The following FRMD3 variants were observed in gnomAD, a reference collection of about 807,000 sequenced individuals.
FRMD3 encodes FERM domain containing 3.
FRMD3 carries 33 observed loss-of-function variants against 70.2 expected under a neutral mutation model. That is an observed-to-expected ratio of 0.47 (90% CI 0.36 to 0.63). FRMD3 has a LOEUF of 0.63. FRMD3 is among the 20% of genes least tolerant of loss of function. FRMD3 has a pLI of 0.00. For synonymous variants in FRMD3, 279 were observed against 255.9 expected (o/e 1.09, Z -0.86); for missense variants, 632 against 711.4 (o/e 0.89, Z 1.27).
chr9:83,364,330 G>A (rs1028559380), intron 3 of FRMD3, among the ~76,000 whole-genome samples: 5 of 152,146 alleles, frequency 3.3e-5, no homozygotes, highest in African/African-American at 9.7e-5. Flanking sequence ...AGACTGAGGC[G>A]GGGGCGTCAC....
intron 1 of FRMD3, among the ~76,000 whole-genome samples, chr9:83,419,146 A>C (rs935959131): frequency 6.6e-6 from 1 of 152,098 alleles, no homozygotes. Context: ...GGGGAAGGGT[A>C]GGAGGGGGGC....
At chr9:83,513,677 G>A (rs773428374) in intron 1 of FRMD3, among the ~76,000 whole-genome samples, 1 of 152,120 alleles carries the variant, frequency 6.6e-6, no homozygotes, top group Non-Finnish European at 1.5e-5. Context: ...CAGGCAAGAG[G>A]GCCAAATAGG....
chr9:83,520,171 C>G (rs889347297), intron 1 of FRMD3, among the ~76,000 whole-genome samples: 2 of 152,062 alleles, frequency 1.3e-5, no homozygotes. Context: ...AAATGGGGTC[C>G]AGATGCCTGG....
intron 8 of FRMD3, among the ~76,000 whole-genome samples, chr9:83,310,802 A>T (rs1468640659): frequency 6.6e-6 from 1 of 152,236 alleles, no homozygotes; most frequent in African/African-American, 2.4e-5. Context: ...CGTTCTTCCA[A>T]GAAGCTCTAG....
the FRMD3 span, among the ~76,000 whole-genome samples, chr9:83,578,388 A>G: frequency 6.6e-6 from 1 of 151,974 alleles, no homozygotes; most frequent in Non-Finnish European, 1.5e-5. Context: ...GAAAAAAACT[A>G]TAGGTCAATA....
chr9:83,494,358 T>A (rs1404514660), intron 1 of FRMD3, among the ~76,000 whole-genome samples: 1 of 152,232 alleles, frequency 6.6e-6, no homozygotes, highest in Non-Finnish European at 1.5e-5. Context: ...ACATGGATTT[T>A]TCTTCTCACA....
chr9:83,514,295 A>T (rs1829405696), intron 1 of FRMD3, among the ~76,000 whole-genome samples: 1 of 152,132 alleles, frequency 6.6e-6, no homozygotes. Flanking sequence ...GTCCACCATT[A>T]CTGAGGCTTG....
At chr9:83,367,359 T>A (rs1824823135) in intron 3 of FRMD3, among the ~76,000 whole-genome samples, 1 of 152,152 alleles carries the variant, frequency 6.6e-6, no homozygotes, top group South Asian at 2.1e-4. Context: ...AGGTTCTAAT[T>A]CCAGGTAGAG....
Position 83,286,772 on chromosome 9 carries a change from G to T in FRMD3, c.1195+3831C>A, listed in dbSNP as rs543762344. Among the ~76,000 whole-genome samples the T allele has an allele frequency of 2.6e-5, 4 of 152,310 alleles. No homozygotes were observed. In the South Asian group the frequency reaches 8.3e-4, roughly 32 times the overall value. ...TGGGGAACAGTGATAACAAAGGTAA[G>T]TGGTGATGCTGAGTCTCCACCACTC... On this transcript the variant is annotated intron_variant, in intron 13 of 13. Coordinates refer to ENST00000304195, the MANE Select transcript of FRMD3 (RefSeq NM_174938.6).
chr9:83,290,772 T>A (rs765565407), intron 12 of FRMD3, 45 bp from the exon 13 acceptor site: 1 of 1,558,626 alleles, frequency 6.4e-7, no homozygotes, highest in Admixed American at 1.9e-5. Flanking sequence ...CCATCACAAA[T>A]GCTGGCCCCT....
intron 3 of FRMD3, among the ~76,000 whole-genome samples, chr9:83,367,756 A>G (rs2131243619): frequency 6.6e-6 from 1 of 152,298 alleles, no homozygotes; most frequent in South Asian, 2.1e-4. Context: ...TACTCAAGTT[A>G]TATATTTTAT....
chr9:83,248,264 A>C lies in FRMD3; in HGVS notation c.1448T>G (p.Phe483Cys). 1.2e-6 allele frequency: 2 copies of C among 1,614,176 alleles called. No individual in the cohort carries two copies. The highest frequency in any genetic ancestry group is 1.7e-6 in the Non-Finnish European group (2 of 1,180,028). ...GTTTTCATCTGCTTCCAGATCCTCAAATGAATCTGTGTCTTCTCTTTCCAA... is the reference window on the plus strand; with the variant it reads ...GTTTTCATCTGCTTCCAGATCCTCACATGAATCTGTGTCTTCTCTTTCCAA... ...LELEREDTDS[F>C]EDLEADENAF... is the part of the protein sequence containing the mutation. The change falls in exon 14 of 14, where the codon TTT (phenylalanine) becomes TGT (cysteine). Residue 483 changes from phenylalanine (F) to cysteine (C), a missense_variant. Coordinates refer to ENST00000304195, the MANE Select transcript of FRMD3 (RefSeq NM_174938.6).
intron 6 of FRMD3, among the ~76,000 whole-genome samples, chr9:83,326,791 A>G (rs1383294896): frequency 6.6e-6 from 1 of 152,236 alleles, no homozygotes; most frequent in East Asian, 1.9e-4. Flanking sequence ...ATTTAAAGGT[A>G]AAGACCAGTG....
chr9:83,431,603 C>T (rs1381199121), intron 1 of FRMD3, among the ~76,000 whole-genome samples: 1 of 151,966 alleles, frequency 6.6e-6, no homozygotes, highest in Non-Finnish European at 1.5e-5. Context: ...AAACATTTGA[C>T]TTCTCTGCTA....
upstream of FRMD3, among the ~76,000 whole-genome samples, chr9:83,540,221 A>G (rs558987025): frequency 6.6e-6 from 1 of 152,352 alleles, no homozygotes; most frequent in East Asian, 1.9e-4. Flanking sequence ...GCTAGCCAAA[A>G]GAGCAGACAG....
intron 6 of FRMD3, among the ~76,000 whole-genome samples, chr9:83,319,324 T>C (rs1835706417): frequency 6.6e-6 from 1 of 152,206 alleles, no homozygotes; most frequent in East Asian, 1.9e-4. Flanking sequence ...CAAGGTCTTA[T>C]GTTTAGGTCT....
chr9:83,350,316 C>T (rs1307353237), intron 3 of FRMD3, among the ~76,000 whole-genome samples: 1 of 152,100 alleles, frequency 6.6e-6, no homozygotes, highest in African/African-American at 2.4e-5. Flanking sequence ...AGGCAGTCAC[C>T]TGTATGAAAA....
At chr9:83,354,097 TGTATTTTTA>T (rs1273637265) in intron 3 of FRMD3, among the ~76,000 whole-genome samples, 1 of 152,152 alleles carries the variant, frequency 6.6e-6, no homozygotes, top group African/African-American at 2.4e-5. Context: ...GCTAATTTTT[TGTATTTTTA>T]GTAGAGACAG....
intron 1 of FRMD3, among the ~76,000 whole-genome samples, chr9:83,493,938 T>C (rs1364549540): frequency 1.3e-5 from 2 of 152,220 alleles, no homozygotes; most frequent in Admixed American, 1.3e-4. Context: ...CCACCAGCCT[T>C]AGTGAACTCA....
Sources: allele counts gnomAD v4.1 joint callset (sites outside exome capture counted in the v4.1 genomes callset), GRCh38; gene constraint gnomAD v4.1.1; transcripts MANE v1.5; gene names NCBI Gene and HGNC (gene_info 2026-07-23, HGNC 2026-07-21).